Variants in CFAP54 observed in about 807,000 individuals in gnomAD.
The protein encoded by CFAP54 is cilia and flagella associated protein 54.
A neutral mutation model predicts 370.4 loss-of-function variants in CFAP54; 290 were observed. The ratio of observed to expected loss-of-function variants is 0.78; its 90% CI spans 0.71 to 0.86. The LOEUF is 0.86. CFAP54 is among the 40% of genes least tolerant of loss of function. The pLI is 0.00. For synonymous variants in CFAP54, 1,206 were observed against 1,236.5 expected, an observed-to-expected ratio of 0.98 and a Z score of 0.52; for missense variants, 3,399 against 3,528.7, an observed-to-expected ratio of 0.96 and a Z score of 0.93.
At chr12:96,675,120 C>CA (rs1191646056) in intron 39 of CFAP54, among the ~76,000 whole-genome samples, 8 of 151,816 alleles carry the variant, frequency 5.3e-5, no homozygotes, top group Non-Finnish European at 1.2e-4. Flanking sequence ...TTCTGCACAG[C>CA]AAAAGAAACT....
chr12:96,860,585 T>C (rs1272991140), intron 66 of CFAP54, among the ~76,000 whole-genome samples: 5 of 152,212 alleles, frequency 3.3e-5, no homozygotes, highest in African/African-American at 9.6e-5. Flanking sequence ...GTACAATGAT[T>C]ACCTAAATAC....
intron 50 of CFAP54, among the ~76,000 whole-genome samples, chr12:96,738,512 C>T (rs1958006952): frequency 6.6e-6 from 1 of 151,998 alleles, no homozygotes; most frequent in South Asian, 2.1e-4. Context: ...CTTGGCGTTC[C>T]TCGGCTTGTA....
chr12:96,647,347 C>T (rs1210462043), intron 33 of CFAP54, among the ~76,000 whole-genome samples: 4 of 151,190 alleles, frequency 2.6e-5, no homozygotes, highest in Non-Finnish European at 5.9e-5. Flanking sequence ...GTGGTGGGCG[C>T]CTGTAGTCCC....
intron 32 of CFAP54, among the ~76,000 whole-genome samples, chr12:96,637,686 A>G (rs1044476054): frequency 1.3e-5 from 2 of 152,220 alleles, no homozygotes; most frequent in Non-Finnish European, 2.9e-5. Flanking sequence ...GTAGAAACCA[A>G]TTTTTGAAAA....
At chr12:96,592,755 A>G (rs1033351270) in intron 24 of CFAP54, 118 bp downstream of exon 24, 42 of 361,284 alleles carry the variant, frequency 1.2e-4, no homozygotes, top group Non-Finnish European at 1.8e-4. Flanking sequence ...CTGAAAGGAC[A>G]TTGTATGATT....
intron 1 of CFAP54, among the ~76,000 whole-genome samples, chr12:96,498,442 C>T (rs151123178): frequency 6.6e-6 from 1 of 152,344 alleles, no homozygotes; most frequent in East Asian, 1.9e-4. Flanking sequence ...ATCACAAGGT[C>T]AAGAGATTGA....
chr12:96,499,993 G>A (rs1418733571), intron 1 of CFAP54, among the ~76,000 whole-genome samples: 6 of 130,014 alleles, frequency 4.6e-5, no homozygotes, highest in South Asian at 2.5e-4. Flanking sequence ...AAAAAAAACC[G>A]TGCGCATCAG....
intron 55 of CFAP54, among the ~76,000 whole-genome samples, chr12:96,750,868 T>C (rs1565964671): frequency 2.6e-5 from 4 of 152,164 alleles, no homozygotes; most frequent in African/African-American, 4.8e-5. Flanking sequence ...CAAAACAACA[T>C]CAGTTTTACA....
At chr12:96,686,791 T>C (rs897166215) in intron 42 of CFAP54, among the ~76,000 whole-genome samples, 4 of 152,148 alleles carry the variant, frequency 2.6e-5, no homozygotes, top group African/African-American at 7.2e-5. Context: ...ACTATATCAC[T>C]AAGAGTTAGG....
Position 96,811,736 on chromosome 12 carries a change from G to T in CFAP54, c.8851G>T (p.Val2951Phe). Residue 2951 changes from valine (V) to phenylalanine (F), a missense_variant and splice_region_variant, in exon 64 of 68, where the codon GTT becomes TTT. Val to Phe is a conservative substitution (Grantham distance 50, BLOSUM62 -1). Coordinates refer to ENST00000524981, the MANE Select transcript of CFAP54 (RefSeq NM_001306084.2). ...DRPPKETEPM[V>F]LLLYAYNLKP... ...TATACCCCTTTTATTTTTCTTATAG[G>T]TTTTATTGTTGTATGCATATAATTT... The T allele has an allele frequency of 6.9e-7, 1 of 1,452,222 alleles. No homozygotes were observed. 90.0% of individuals were successfully genotyped at this position (1,452,222 alleles called of 1,614,324 possible). A position where few individuals can be genotyped will look rare whatever the true frequency, so the allele number is the denominator to read the frequency against.
chr12:96,517,449 G>A (rs1955249120), intron 5 of CFAP54, among the ~76,000 whole-genome samples: 1 of 152,144 alleles, frequency 6.6e-6, no homozygotes, highest in Admixed American at 6.5e-5. Flanking sequence ...GAGTCCTGAA[G>A]GATTTTAGAA....
chr12:96,823,674 T>A (rs1446987910), intron 65 of CFAP54, among the ~76,000 whole-genome samples: 1 of 152,166 alleles, frequency 6.6e-6, no homozygotes, highest in Non-Finnish European at 1.5e-5. Flanking sequence ...CCTTATGGGC[T>A]CTCTGTGTTT....
chr12:96,672,406 A>T (rs1243616306), intron 39 of CFAP54, among the ~76,000 whole-genome samples: 3 of 152,192 alleles, frequency 2.0e-5, no homozygotes, highest in Admixed American at 6.5e-5. Context: ...TTCTCAATGA[A>T]GCAAGGGGCT....
At chr12:96,861,044 T>C (rs1242913465) in intron 67 of CFAP54, 92 bp downstream of exon 67, 9 of 952,126 alleles carry the variant, frequency 9.5e-6, no homozygotes, top group Middle Eastern at 3.2e-4. Context: ...CATAAAATTG[T>C]TTTTTTACAC....
chr12:96,596,047 C>A (rs1356336086), intron 25 of CFAP54, among the ~76,000 whole-genome samples: 2 of 152,094 alleles, frequency 1.3e-5, no homozygotes, highest in Non-Finnish European at 2.9e-5. Context: ...AAGTTCATAT[C>A]CTTTCACATA....
chr12:96,869,933 CAAAAAAAAAAA>C (rs760992300), intron 67 of CFAP54, among the ~76,000 whole-genome samples: 28 of 36,866 alleles, frequency 7.6e-4, no homozygotes, highest in African/African-American at 2.6e-3. Context: ...AAAACTCCGT[CAAAAAAAAAAA>C]AAAAAAAAAA....
intron 14 of CFAP54, among the ~76,000 whole-genome samples, chr12:96,544,490 A>C (rs12809709): frequency 0.4 from 60,281 of 151,058 alleles, 12,582 homozygotes; most frequent in South Asian, 0.46. Context: ...CTCTCCAAGG[A>C]TGGCCATAGA....
intron 30 of CFAP54, 62 bp from the exon 31 acceptor site, chr12:96,630,031 A>G (rs774249919): frequency 1.5e-6 from 1 of 688,258 alleles, no homozygotes; most frequent in Admixed American, 3.0e-5. Flanking sequence ...AAGACATATT[A>G]CTTTGGGGTA....
intron 25 of CFAP54, among the ~76,000 whole-genome samples, chr12:96,598,214 T>C (rs1202318920): frequency 6.6e-6 from 1 of 152,074 alleles, no homozygotes; most frequent in Non-Finnish European, 1.5e-5. Flanking sequence ...TGTTTGGTTT[T>C]AATTTTAAAG....
Sources: gnomAD v4.1 joint callset for allele counts (sites outside exome capture counted in the v4.1 genomes callset) on GRCh38, gnomAD v4.1.1 for gene constraint, MANE v1.5 for transcripts, NCBI Gene and HGNC (gene_info 2026-07-23, HGNC 2026-07-21) for gene names.